CACNB2: variants seen among roughly 807,000 people sequenced by gnomAD.
CACNB2 encodes voltage-dependent L-type calcium channel subunit beta-2.
Under a neutral mutation model 73.3 loss-of-function variants are expected in CACNB2, and 42 were observed. That is an observed-to-expected ratio of 0.57 (90% CI 0.45 to 0.74). CACNB2 has a LOEUF of 0.74. Ranked by LOEUF, CACNB2 falls within the 30% of genes least tolerant of loss-of-function variation. The probability of loss-of-function intolerance (pLI) is 0.00; values close to 1 mark genes in which losing one functional copy is unlikely to be tolerated. For synonymous variants in CACNB2, 348 were observed against 310.3 expected, an observed-to-expected ratio of 1.12 and a Z score of -1.28; for missense variants, 940 against 853.0, an observed-to-expected ratio of 1.10 and a Z score of -1.27.
At chr10:18,152,939 C>G (rs2031729377) in intron 2 of CACNB2, among the ~76,000 whole-genome samples, 1 of 152,024 alleles carries the variant, frequency 6.6e-6, no homozygotes, top group Non-Finnish European at 1.5e-5. Flanking sequence ...TCACTGGACT[C>G]CATTTTCAAA....
chr10:18,416,277 T>G (rs916902800), intron 3 of CACNB2, among the ~76,000 whole-genome samples: 1 of 152,246 alleles, frequency 6.6e-6, no homozygotes, highest in Non-Finnish European at 1.5e-5. Flanking sequence ...TTGTCCCATG[T>G]GACAGAATTT....
At chr10:18,187,205 C>T (rs148683767) in intron 2 of CACNB2, among the ~76,000 whole-genome samples, 9 of 152,214 alleles carry the variant, frequency 5.9e-5, no homozygotes, top group African/African-American at 2.2e-4. Context: ...GTCTGGGCAG[C>T]AGGAGTGGGG....
chr10:18,349,334 C>T (rs1473619656), intron 2 of CACNB2, among the ~76,000 whole-genome samples: 1 of 152,146 alleles, frequency 6.6e-6, no homozygotes, highest in Non-Finnish European at 1.5e-5. Context: ...CTAAAAAGAA[C>T]CGTTTTCCCG....
chr10:18,490,419 T>C (rs1256611855), intron 3 of CACNB2, among the ~76,000 whole-genome samples: 1 of 152,146 alleles, frequency 6.6e-6, no homozygotes. Flanking sequence ...AATCAATTCC[T>C]TTTTTTCTTG....
At chr10:18,161,101 A>T (rs185627437) in intron 2 of CACNB2, among the ~76,000 whole-genome samples, 1 of 152,336 alleles carries the variant, frequency 6.6e-6, no homozygotes, top group Admixed American at 6.5e-5. Context: ...AGGGGAAAAC[A>T]GGAAGATAAT....
intron 3 of CACNB2, among the ~76,000 whole-genome samples, chr10:18,440,972 T>C (rs1472866561): frequency 2.0e-5 from 3 of 152,180 alleles, no homozygotes; most frequent in Non-Finnish European, 4.4e-5. Flanking sequence ...ACTTCAAATC[T>C]TAAAAGCCCT....
chr10:18,362,112 T>C (rs2042167488), intron 2 of CACNB2, among the ~76,000 whole-genome samples: 1 of 152,186 alleles, frequency 6.6e-6, no homozygotes. Flanking sequence ...TATAAGACAA[T>C]TTGTTTAACA....
At chr10:18,525,585 G>T (rs1167207821) in intron 9 of CACNB2, among the ~76,000 whole-genome samples, 1 of 152,066 alleles carries the variant, frequency 6.6e-6, no homozygotes, top group African/African-American at 2.4e-5. Context: ...TTTGTCCCCA[G>T]TGTTATGAAA....
At chr10:18,399,506 G>A (rs534762964) in intron 2 of CACNB2, among the ~76,000 whole-genome samples, 1 of 152,158 alleles carries the variant, frequency 6.6e-6, no homozygotes, top group Admixed American at 6.5e-5. Flanking sequence ...TTATATTAGT[G>A]CAGAGTGCCA....
intron 5 of CACNB2, among the ~76,000 whole-genome samples, chr10:18,504,362 C>T (rs1207773808): frequency 6.6e-6 from 1 of 152,138 alleles, no homozygotes; most frequent in Non-Finnish European, 1.5e-5. Flanking sequence ...TCTTGCCTGG[C>T]ACAGCAAGCC....
intron 2 of CACNB2, among the ~76,000 whole-genome samples, chr10:18,291,402 G>A (rs2039063784): frequency 6.6e-6 from 1 of 152,278 alleles, no homozygotes; most frequent in Admixed American, 6.5e-5. Context: ...GATTTTGGAC[G>A]TTTCCACGTG....
At position 18,172,547 on chromosome 10, in the gene CACNB2, G is replaced by C. The variant is rs1428874479; in HGVS notation, c.213+21572G>C. On this transcript the variant is annotated intron_variant, in intron 2 of 13. Coordinates refer to ENST00000324631, the MANE Select transcript of CACNB2 (RefSeq NM_201596.3). ...CCCTGAGAGTAGGGAAGAAAGAGAT[G>C]TTCAGAGTTGAAGGTGTCAGAGCTA... 2.1e-4 allele frequency among the ~76,000 whole-genome samples: 32 copies of C among 152,128 alleles called. 2 individuals are homozygous for C. Among genetic ancestry groups the C allele is most frequent in the Admixed American group, 2.1e-3 (32 of 15,274 alleles).
chr10:18,464,419 A>AAAATAAAAAAAAAAAAAAAAAAAC (rs1491513850), intron 3 of CACNB2, among the ~76,000 whole-genome samples: 1 of 28,118 alleles, frequency 3.6e-5, no homozygotes, highest in Non-Finnish European at 7.8e-5. Context: ...CTCAAAAATT[A>AAAATAAAAAAAAAAAAAAAAAAAC]AAAAAAAAAA....
intron 9 of CACNB2, among the ~76,000 whole-genome samples, chr10:18,526,028 C>T (rs2052437448): frequency 6.6e-6 from 1 of 152,120 alleles, no homozygotes; most frequent in Admixed American, 6.6e-5. Context: ...TCTGAAGATG[C>T]CTGACAAACT....
intron 3 of CACNB2, among the ~76,000 whole-genome samples, chr10:18,498,061 C>A (rs138354877): frequency 5.9e-5 from 9 of 151,728 alleles, no homozygotes; most frequent in African/African-American, 2.2e-4. Flanking sequence ...TTGCTACAAG[C>A]GCCAATGTTG....
intron 3 of CACNB2, among the ~76,000 whole-genome samples, chr10:18,435,311 C>T (rs761344926): frequency 6.6e-6 from 1 of 152,132 alleles, no homozygotes; most frequent in Non-Finnish European, 1.5e-5. Context: ...CAACATATTT[C>T]GTTAAAAACC....
intron 2 of CACNB2, among the ~76,000 whole-genome samples, chr10:18,156,020 T>C (rs1243151848): frequency 6.6e-6 from 1 of 152,034 alleles, no homozygotes; most frequent in Non-Finnish European, 1.5e-5. Flanking sequence ...TCATTAGTCA[T>C]AATTAATTCT....
chr10:18,397,930 A>C (rs1489125914), intron 2 of CACNB2, among the ~76,000 whole-genome samples: 1 of 152,180 alleles, frequency 6.6e-6, no homozygotes, highest in Non-Finnish European at 1.5e-5. Context: ...TGCAGGTATT[A>C]AGATGTAGAA....
chr10:18,166,770 G>A (rs1238745413), intron 2 of CACNB2, among the ~76,000 whole-genome samples: 2 of 152,074 alleles, frequency 1.3e-5, no homozygotes, highest in Non-Finnish European at 2.9e-5. Flanking sequence ...GGGAGGGATA[G>A]CATTAGGAGA....
Sources: gnomAD v4.1 joint callset for allele counts (sites outside exome capture counted in the v4.1 genomes callset) on GRCh38, gnomAD v4.1.1 for gene constraint, MANE v1.5 for transcripts, NCBI Gene and HGNC (gene_info 2026-07-23, HGNC 2026-07-21) for gene names.